RELN: variants seen among roughly 807,000 people sequenced by gnomAD.
The protein encoded by RELN is reelin.
A neutral mutation model predicts 427.6 loss-of-function variants in RELN; 108 were observed. That is an observed-to-expected ratio of 0.25 (90% CI 0.22 to 0.30). The LOEUF is 0.30. RELN is among the 10% of genes least tolerant of loss of function. RELN has a pLI of 1.00. For missense variants in RELN, 3,715 were observed against 4,302.8 expected (o/e 0.86, Z 3.82); for synonymous variants, 1,524 against 1,513.4 (o/e 1.01, Z -0.16).
intron 2 of RELN, among the ~76,000 whole-genome samples, chr7:103,888,914 T>A (rs528541714): frequency 6.6e-6 from 1 of 152,276 alleles, no homozygotes; most frequent in Admixed American, 6.5e-5. Flanking sequence ...ACACTTATCA[T>A]CCTGGATTTC....
intron 4 of RELN, among the ~76,000 whole-genome samples, chr7:103,774,622 G>T (rs1354081750): frequency 3.3e-5 from 5 of 152,088 alleles, no homozygotes; most frequent in Non-Finnish European, 7.4e-5. Flanking sequence ...CATAAAAAAT[G>T]ATTACATGAT....
chr7:103,756,539 T>C (rs1791159524), intron 4 of RELN, among the ~76,000 whole-genome samples: 1 of 152,156 alleles, frequency 6.6e-6, no homozygotes, highest in Non-Finnish European at 1.5e-5. Context: ...AAATAATAAA[T>C]TGATTTGAAA....
At chr7:103,918,413 T>G (rs1408216096) in intron 1 of RELN, among the ~76,000 whole-genome samples, 1 of 152,138 alleles carries the variant, frequency 6.6e-6, no homozygotes, top group Non-Finnish European at 1.5e-5. Flanking sequence ...GAAGAATGTG[T>G]AGAACAGAGC....
At chr7:103,843,159 CTAT>C (rs1793594947) in intron 2 of RELN, among the ~76,000 whole-genome samples, 1 of 151,884 alleles carries the variant, frequency 6.6e-6, no homozygotes, top group Non-Finnish European at 1.5e-5. Context: ...TACATGTTGG[CTAT>C]TATTATCATT....
In RELN at chr7:103,897,502, T is replaced by C. The variant is rs184379594; in HGVS notation, c.337+19573A>G. 2.6e-3 allele frequency among the ~76,000 whole-genome samples: 391 copies of C among 152,182 alleles called. 1 individual carries two copies. The highest frequency in any genetic ancestry group is 9.0e-3 in the African/African-American group (376 of 41,552). On this transcript the variant is annotated intron_variant, in intron 2 of 64. Transcript: ENST00000428762. ...TTTATTCCATTTGAACCTGTTATTC[T>C]CCTAATATTACTTCATTAAACGTTA...
At chr7:103,728,075 A>G (rs202021715) in intron 7 of RELN, 36 bp downstream of exon 7, 2 of 1,599,448 alleles carry the variant, frequency 1.3e-6, no homozygotes, top group South Asian at 1.1e-5. Flanking sequence ...AGTAAATACT[A>G]TAATGGAATA....
At chr7:103,649,439 G>A (rs962641873) in intron 16 of RELN, among the ~76,000 whole-genome samples, 3 of 151,988 alleles carry the variant, frequency 2.0e-5, no homozygotes, top group African/African-American at 7.2e-5. Context: ...AAGGTGGGAG[G>A]ATGGAAGGGG....
intron 1 of RELN, among the ~76,000 whole-genome samples, chr7:103,963,131 C>CTTTT (rs767207596): frequency 3.7e-5 from 2 of 53,762 alleles, no homozygotes; most frequent in Admixed American, 1.5e-4. Flanking sequence ...CTCTTTTCGC[C>CTTTT]TTCTTTTTTT....
chr7:103,506,257 G>T (rs536412675), intron 51 of RELN, among the ~76,000 whole-genome samples: 1 of 151,850 alleles, frequency 6.6e-6, no homozygotes, highest in South Asian at 2.1e-4. Context: ...ATACATAATC[G>T]TCAGATTCAC....
intron 4 of RELN, among the ~76,000 whole-genome samples, chr7:103,775,868 T>G (rs548431792): frequency 1.3e-5 from 2 of 152,156 alleles, no homozygotes; most frequent in African/African-American, 2.4e-5. Context: ...GCTCAGTCTC[T>G]CTAGGGCAAC....
In RELN at chr7:103,926,862, G is replaced by A. The variant is rs117790643; in HGVS notation, c.227-9677C>T. Among the ~76,000 whole-genome samples the A allele has an allele frequency of 2.0e-3, 291 of 145,562 alleles. 5 individuals are homozygous for A. In the East Asian group the frequency reaches 0.05, roughly 25 times the overall value. On this transcript the variant is annotated intron_variant, in intron 1 of 64. Transcript: ENST00000428762. ...GGGTTTTCACTGTGTTAGCCAGGAC[G>A]GTTTCAATCTCCTGACCTCGTGATC...
rs533447107 is a variant in RELN at position 103,840,050 on chromosome 7, C to T, written c.338-6378G>A. Among the ~76,000 whole-genome samples the T allele has an allele frequency of 2.0e-5, 3 of 152,300 alleles. No homozygotes were observed. In the East Asian group the frequency reaches 5.8e-4, roughly 29 times the overall value. ...GCCATATGAAAACATACTTGCTTCC[C>T]CTTCACCATCCACCATGATTGTAAG... On this transcript the variant is annotated intron_variant, in intron 2 of 64. Transcript: ENST00000428762.
rs1020212022 is a variant in RELN at position 103,640,883 on chromosome 7, C to T, written c.2003-274G>A. Among the ~76,000 whole-genome samples, 4 of 152,050 alleles carry T rather than the reference C, an allele frequency of 2.6e-5. No homozygotes were observed. The highest frequency in any genetic ancestry group is 5.9e-5 in the Non-Finnish European group (4 of 67,996). ...TGAATTCTTAATAGAGTCTATTAGA[C>T]AATATTAGCGCTTCTGCCTTGAACA... On this transcript the variant is annotated intron_variant, in intron 16 of 64. Transcript: ENST00000428762. This position sits in a 1 kb window ranked among gnomAD's most constrained non-coding sequence, Gnocchi z 4.1.
intron 5 of RELN, 112 bp downstream of exon 5, chr7:103,753,070 T>C: frequency 9.5e-7 from 1 of 1,053,538 alleles, no homozygotes; most frequent in Non-Finnish European, 1.5e-6. Flanking sequence ...GACTGATCAA[T>C]GATCAGAGAG....
intron 2 of RELN, among the ~76,000 whole-genome samples, chr7:103,899,958 C>A (rs1795046877): frequency 6.6e-6 from 1 of 152,042 alleles, no homozygotes; most frequent in Admixed American, 6.6e-5. Context: ...AGCAATCAGG[C>A]AGGAGAAAGA....
intron 2 of RELN, among the ~76,000 whole-genome samples, chr7:103,876,261 A>G (rs1441737751): frequency 6.6e-6 from 1 of 152,192 alleles, no homozygotes; most frequent in Non-Finnish European, 1.5e-5. Context: ...CTGCAAATAC[A>G]TTAGCTTCAT....
At chr7:103,954,158 G>T (rs1796388257) in intron 1 of RELN, among the ~76,000 whole-genome samples, 1 of 151,972 alleles carries the variant, frequency 6.6e-6, no homozygotes, top group Admixed American at 6.5e-5. Flanking sequence ...TACTCAAGAG[G>T]CTGAGGCAGG....
chr7:103,616,544 TA>T (rs1208137687), intron 20 of RELN, among the ~76,000 whole-genome samples: 1 of 152,132 alleles, frequency 6.6e-6, no homozygotes, highest in Non-Finnish European at 1.5e-5. Context: ...CCCGATAATA[TA>T]AAAGCAGCAT....
intron 3 of RELN, among the ~76,000 whole-genome samples, chr7:103,808,073 C>T (rs938541212): frequency 6.6e-6 from 1 of 152,122 alleles, no homozygotes; most frequent in African/African-American, 2.4e-5. Context: ...GGTATAAATC[C>T]TCCTTCAAGA....
Sources: allele counts gnomAD v4.1 joint callset (sites outside exome capture counted in the v4.1 genomes callset), GRCh38; gene constraint gnomAD v4.1.1; non-coding constraint Gnocchi (gnomAD v3.1); transcripts MANE v1.5; gene names NCBI Gene and HGNC (gene_info 2026-07-23, HGNC 2026-07-21).